The following KCNQ5 variants were observed in gnomAD, a reference collection of about 807,000 sequenced individuals.
KCNQ5 encodes the protein potassium voltage-gated channel subfamily KQT member 5.
KCNQ5 carries 30 observed loss-of-function variants against 98.2 expected under a neutral mutation model. That is an observed-to-expected ratio of 0.31 (90% CI 0.23 to 0.41). The LOEUF (loss-of-function observed/expected upper bound fraction) is 0.41, where lower values mean the gene tolerates loss of function less well. Among genes scored for constraint, KCNQ5 ranks in the 10% least tolerant of loss-of-function variants. The probability of loss-of-function intolerance (pLI) is 1.00; values close to 1 mark genes in which losing one functional copy is unlikely to be tolerated. For missense variants in KCNQ5, 835 were observed against 1,182.5 expected (o/e 0.71, Z 4.31); for synonymous variants, 458 against 449.4 (o/e 1.02, Z -0.24).
chr6:73,007,928 G>C (rs1004396371), intron 2 of KCNQ5, among the ~76,000 whole-genome samples: 1 of 152,116 alleles, frequency 6.6e-6, no homozygotes, highest in African/African-American at 2.4e-5. Flanking sequence ...GGAATACAGT[G>C]TATAAAGATG....
chr6:72,648,141 A>T lies in KCNQ5; in HGVS notation c.398+25554A>T, dbSNP rs116627916. Among the ~76,000 whole-genome samples the T allele has an allele frequency of 1.4e-3, 217 of 152,282 alleles. 1 individual carries two copies. The highest frequency in any genetic ancestry group is 5.1e-3 in the African/African-American group (210 of 41,558). Reference sequence around the variant, plus strand: ...TAGCAGTCACATTATGTACTAAAACATAAAGAACATAAGGCCATTCACCAT... The same window carrying T: ...TAGCAGTCACATTATGTACTAAAACTTAAAGAACATAAGGCCATTCACCAT... On this transcript the variant is annotated intron_variant, in intron 1 of 13. Transcript: ENST00000370398.
intron 1 of KCNQ5, among the ~76,000 whole-genome samples, chr6:72,711,198 T>TGTACACAGAGAAAAGACCATGTGA (rs1769351263): frequency 6.6e-6 from 1 of 151,896 alleles, no homozygotes; most frequent in East Asian, 1.9e-4. Context: ...TAAGAATAAA[T>TGTACACAGAGAAAAGACCATGTGA]GTACACAGAG....
chr6:72,665,694 T>C (rs1582077798), intron 1 of KCNQ5, among the ~76,000 whole-genome samples: 1 of 152,196 alleles, frequency 6.6e-6, no homozygotes, highest in South Asian at 2.1e-4. Flanking sequence ...TGTTTTCAAA[T>C]TTCCACTTGT....
At chr6:72,774,755 C>T (rs2084317184) in intron 1 of KCNQ5, among the ~76,000 whole-genome samples, 1 of 152,018 alleles carries the variant, frequency 6.6e-6, no homozygotes, top group Non-Finnish European at 1.5e-5. Context: ...AATTAGTTAT[C>T]AGTAAAATAA....
intron 1 of KCNQ5, among the ~76,000 whole-genome samples, chr6:72,812,363 C>T (rs1775285582): frequency 6.6e-6 from 1 of 152,192 alleles, no homozygotes; most frequent in African/African-American, 2.4e-5. Flanking sequence ...ATGCCTCTGA[C>T]ACTACAATGC....
chr6:72,994,777 A>G (rs949984699), intron 1 of KCNQ5, among the ~76,000 whole-genome samples: 2 of 152,222 alleles, frequency 1.3e-5, no homozygotes, highest in African/African-American at 4.8e-5. Flanking sequence ...TTGGCTATTA[A>G]TAAGTTCATA....
chr6:72,752,614 A>T (rs1446970722), intron 1 of KCNQ5, among the ~76,000 whole-genome samples: 6 of 152,122 alleles, frequency 3.9e-5, no homozygotes, highest in Non-Finnish European at 8.8e-5. Flanking sequence ...ATACATGTTC[A>T]CAACCACAGT....
chr6:73,096,513 G>A (rs1046539268), intron 5 of KCNQ5, among the ~76,000 whole-genome samples: 1 of 152,092 alleles, frequency 6.6e-6, no homozygotes, highest in Non-Finnish European at 1.5e-5. Context: ...TGTGGGGAAC[G>A]CCTGGAGCAG....
chr6:73,133,829 T>C, intron 10 of KCNQ5, 188 bp downstream of exon 10: 1 of 738,176 alleles, frequency 1.4e-6, no homozygotes, highest in Non-Finnish European at 2.4e-6. Context: ...AAGTTTACTT[T>C]TGGAAACCAC....
Position 72,672,255 on chromosome 6 carries a change from G to A in KCNQ5, c.398+49668G>A, listed in dbSNP as rs149697479. 2.4e-3 allele frequency among the ~76,000 whole-genome samples: 363 copies of A among 151,496 alleles called. 6 individuals carry two copies. In the East Asian group the frequency reaches 0.055, roughly 23 times the overall value. ...CTCAGCCTCCCAAGTCCAGGACCAC[G>A]CCTGGCTAATTTTTGTAATTTTTGT... On this transcript the variant is annotated intron_variant, in intron 1 of 13. Transcript: ENST00000370398.
intron 1 of KCNQ5, among the ~76,000 whole-genome samples, chr6:72,750,613 C>T (rs1241406022): frequency 6.6e-6 from 1 of 151,614 alleles, no homozygotes; most frequent in Admixed American, 6.6e-5. Flanking sequence ...AAAAAGGTGA[C>T]AATACTAACA....
intron 1 of KCNQ5, among the ~76,000 whole-genome samples, chr6:72,858,414 C>T (rs1777617098): frequency 1.3e-5 from 2 of 151,940 alleles, no homozygotes; most frequent in Admixed American, 1.3e-4. Flanking sequence ...GACTGTTTTG[C>T]TGACACATAT....
At chr6:72,741,204 A>C (rs1323726540) in intron 1 of KCNQ5, among the ~76,000 whole-genome samples, 1 of 152,194 alleles carries the variant, frequency 6.6e-6, no homozygotes, top group East Asian at 1.9e-4. Context: ...TTGCCCAGTG[A>C]AAATGTTCTG....
intron 1 of KCNQ5, among the ~76,000 whole-genome samples, chr6:72,977,124 T>G (rs1167414450): frequency 6.6e-6 from 1 of 152,192 alleles, no homozygotes; most frequent in East Asian, 1.9e-4. Context: ...CTCTCTTTGG[T>G]ATTTATTTAT....
chr6:73,018,968 T>C (rs1333978815), intron 2 of KCNQ5, among the ~76,000 whole-genome samples: 1 of 152,196 alleles, frequency 6.6e-6, no homozygotes, highest in Admixed American at 6.5e-5. Context: ...TAGACAGATC[T>C]TCCCAGTCTT....
intron 1 of KCNQ5, among the ~76,000 whole-genome samples, chr6:72,703,080 C>T (rs2154474721): frequency 6.6e-6 from 1 of 152,306 alleles, no homozygotes; most frequent in African/African-American, 2.4e-5. Flanking sequence ...TGCTAGACCC[C>T]CGCAGTGGCT....
chr6:72,948,569 G>A (rs1247002217), intron 1 of KCNQ5, among the ~76,000 whole-genome samples: 1 of 151,866 alleles, frequency 6.6e-6, no homozygotes, highest in Non-Finnish European at 1.5e-5. Flanking sequence ...AAAGAAAGTG[G>A]ACATTGATTT....
At chr6:73,082,946 A>G (rs1370292337) in intron 5 of KCNQ5, among the ~76,000 whole-genome samples, 6 of 131,812 alleles carry the variant, frequency 4.6e-5, no homozygotes, top group Non-Finnish European at 1.5e-5. Flanking sequence ...GTTGCAGTGC[A>G]TTGGTGCATT....
intron 1 of KCNQ5, among the ~76,000 whole-genome samples, chr6:72,903,654 G>A (rs553340344): frequency 3.7e-4 from 57 of 152,204 alleles, no homozygotes; most frequent in Middle Eastern, 3.4e-3. Flanking sequence ...GGTTCCTTTT[G>A]GAGTTGACTT....
Sources: gnomAD v4.1 joint callset for allele counts (sites outside exome capture counted in the v4.1 genomes callset) on GRCh38, gnomAD v4.1.1 for gene constraint, MANE v1.5 for transcripts, NCBI Gene and HGNC (gene_info 2026-07-23, HGNC 2026-07-21) for gene names.